CELF4: variants seen among roughly 807,000 people sequenced by gnomAD.
CELF4 encodes CUG-BP- and ETR-3-like factor 4.
In CELF4, 18 loss-of-function variants were observed where a neutral mutation model predicts 59.9. That is an observed-to-expected ratio of 0.30 (90% CI 0.21 to 0.45). The LOEUF is 0.45. Among genes scored for constraint, CELF4 ranks in the 20% least tolerant of loss-of-function variants. The pLI is 1.00. For missense variants in CELF4, 456 were observed against 689.0 expected (o/e 0.66, Z 3.79); for synonymous variants, 261 against 267.1 (o/e 0.98, Z 0.22).
At chr18:37,317,924 A>C (rs2096924552) in intron 3 of CELF4, among the ~76,000 whole-genome samples, 1 of 152,054 alleles carries the variant, frequency 6.6e-6, no homozygotes, top group Non-Finnish European at 1.5e-5. Flanking sequence ...GAGATGGGGG[A>C]TGAGAAGGTG....
intron 1 of CELF4, among the ~76,000 whole-genome samples, chr18:37,497,696 T>C (rs1202444831): frequency 6.6e-6 from 1 of 151,508 alleles, no homozygotes; most frequent in African/African-American, 2.4e-5. Flanking sequence ...GTAAGCATGC[T>C]TGGAAGGCCA....
At chr18:37,327,949 G>T (rs1179584445) in intron 2 of CELF4, among the ~76,000 whole-genome samples, 1 of 152,220 alleles carries the variant, frequency 6.6e-6, no homozygotes, top group South Asian at 2.1e-4. Flanking sequence ...CCTCCTACAG[G>T]GAGGCTTCCT....
intron 2 of CELF4, among the ~76,000 whole-genome samples, chr18:37,339,844 A>T (rs1298129897): frequency 1.3e-5 from 2 of 151,900 alleles, no homozygotes; most frequent in African/African-American, 4.8e-5. Flanking sequence ...ATGAACACAT[A>T]GCAGAGGGGG....
chr18:37,429,177 T>C (rs985266440), intron 2 of CELF4, among the ~76,000 whole-genome samples: 1 of 152,182 alleles, frequency 6.6e-6, no homozygotes, highest in Non-Finnish European at 1.5e-5. Flanking sequence ...GAGGTGTTCC[T>C]CTGAGTACTT....
At chr18:37,405,826 T>G (rs1202891673) in intron 2 of CELF4, among the ~76,000 whole-genome samples, 1 of 151,736 alleles carries the variant, frequency 6.6e-6, no homozygotes, top group East Asian at 2.0e-4. Flanking sequence ...TCTGTCCCCT[T>G]CACACATCAT....
At chr18:37,427,570 C>T (rs1229603315) in intron 2 of CELF4, among the ~76,000 whole-genome samples, 1 of 152,172 alleles carries the variant, frequency 6.6e-6, no homozygotes, top group Non-Finnish European at 1.5e-5. Context: ...TCTGCAGGCT[C>T]CCCAGCCCTG....
intron 2 of CELF4, among the ~76,000 whole-genome samples, chr18:37,428,340 C>T (rs1041874822): frequency 1.3e-5 from 2 of 151,680 alleles, no homozygotes; most frequent in African/African-American, 2.4e-5. Flanking sequence ...TGAACCTGAC[C>T]GGCTGACATT....
chr18:37,548,544 G>A (rs1017774959), intron 1 of CELF4, among the ~76,000 whole-genome samples: 12 of 152,142 alleles, frequency 7.9e-5, no homozygotes, highest in Admixed American at 3.3e-4. Context: ...CCTTTGTGCC[G>A]CCCCTTATGT....
At chr18:37,326,387 C>T (rs1361341984) in intron 2 of CELF4, among the ~76,000 whole-genome samples, 1 of 152,206 alleles carries the variant, frequency 6.6e-6, no homozygotes, top group African/African-American at 2.4e-5. Flanking sequence ...CCCGTCTCTG[C>T]TCCTCTGTCA....
At chr18:37,378,630 G>C (rs1019590115) in intron 2 of CELF4, among the ~76,000 whole-genome samples, 2 of 152,160 alleles carry the variant, frequency 1.3e-5, no homozygotes, top group East Asian at 1.9e-4. Context: ...ATATATATTA[G>C]AAACCCCAAA....
chr18:37,427,055 G>GT (rs2099618851), intron 2 of CELF4, among the ~76,000 whole-genome samples: 1 of 151,974 alleles, frequency 6.6e-6, no homozygotes, highest in Non-Finnish European at 1.5e-5. Flanking sequence ...GGGGAAGCTG[G>GT]GCACCCTGGG....
At chr18:37,452,022 C>T (rs2099765512) in intron 2 of CELF4, among the ~76,000 whole-genome samples, 1 of 152,186 alleles carries the variant, frequency 6.6e-6, no homozygotes, top group Admixed American at 6.5e-5. Flanking sequence ...CTCCCTGCCT[C>T]CACGGGCCCC....
At chr18:37,510,497 C>T (rs1380239006) in intron 1 of CELF4, among the ~76,000 whole-genome samples, 3 of 152,232 alleles carry the variant, frequency 2.0e-5, no homozygotes, top group African/African-American at 7.2e-5. Context: ...AGGTTTCCCT[C>T]ACTTCTAGAG....
intron 2 of CELF4, among the ~76,000 whole-genome samples, chr18:37,429,226 C>A (rs1246087487): frequency 1.3e-5 from 2 of 152,194 alleles, no homozygotes; most frequent in Non-Finnish European, 2.9e-5. Context: ...TCCTGACAAC[C>A]TACCTTCTCT....
At chr18:37,261,568 C>T (rs925325807) in intron 10 of CELF4, among the ~76,000 whole-genome samples, 2 of 152,248 alleles carry the variant, frequency 1.3e-5, no homozygotes, top group Admixed American at 6.5e-5. Context: ...CCGCCAAGCC[C>T]TTCTGCACTC....
chr18:37,499,610 A>G (rs1365013605), intron 1 of CELF4, among the ~76,000 whole-genome samples: 2 of 152,190 alleles, frequency 1.3e-5, no homozygotes, highest in Non-Finnish European at 2.9e-5. Flanking sequence ...GAGCTCTGCA[A>G]TGGCAGGGCT....
intron 2 of CELF4, among the ~76,000 whole-genome samples, chr18:37,337,397 G>A (rs1308506958): frequency 1.3e-5 from 2 of 152,136 alleles, no homozygotes. Context: ...CAGCTCCTGT[G>A]TCCCCAGAGA....
intron 11 of CELF4, among the ~76,000 whole-genome samples, chr18:37,256,130 TCTTC>T (rs1177375881): frequency 1.3e-5 from 2 of 152,196 alleles, no homozygotes; most frequent in Admixed American, 6.5e-5. Flanking sequence ...TCCAGGACCG[TCTTC>T]CTTCTTCCAG....
chr18:37,452,231 C>G (rs1329666399), intron 2 of CELF4, among the ~76,000 whole-genome samples: 3 of 152,216 alleles, frequency 2.0e-5, no homozygotes, highest in Non-Finnish European at 2.9e-5. Flanking sequence ...ACAGCTACTG[C>G]TTATTAAGTG....
Sources: gnomAD v4.1 joint callset for allele counts (sites outside exome capture counted in the v4.1 genomes callset) on GRCh38, gnomAD v4.1.1 for gene constraint, MANE v1.5 for transcripts, NCBI Gene and HGNC (gene_info 2026-07-23, HGNC 2026-07-21) for gene names.